Variants in MSH4 observed in about 807,000 individuals in gnomAD.
MSH4 encodes the protein mutS homolog 4.
MSH4 carries 106 observed loss-of-function variants against 113.7 expected under a neutral mutation model. The observed-to-expected ratio is 0.93, with a 90% CI of 0.80 to 1.10. The LOEUF (loss-of-function observed/expected upper bound fraction) is 1.10, where lower values mean the gene tolerates loss of function less well. Ranked by LOEUF, MSH4 falls within the 50% of genes least tolerant of loss-of-function variation. The pLI is 0.00. For missense variants in MSH4, 1,061 were observed against 1,093.7 expected (o/e 0.97, Z 0.42); for synonymous variants, 368 against 380.2 (o/e 0.97, Z 0.37).
At chr1:75,804,520 T>A (rs12057365) in intron 2 of MSH4, among the ~76,000 whole-genome samples, 4 of 128,914 alleles carry the variant, frequency 3.1e-5, no homozygotes, top group Non-Finnish European at 5.2e-5. Context: ...TTTTTTTTTT[T>A]AATTTTTTGA....
intron 10 of MSH4, among the ~76,000 whole-genome samples, chr1:75,877,613 A>G (rs188020312): frequency 1.3e-5 from 2 of 152,326 alleles, no homozygotes; most frequent in East Asian, 1.9e-4. Flanking sequence ...AGTTGAGGAA[A>G]ATATGTGTTA....
intron 7 of MSH4, among the ~76,000 whole-genome samples, chr1:75,827,903 T>C (rs1170711031): frequency 6.6e-6 from 1 of 152,180 alleles, no homozygotes; most frequent in African/African-American, 2.4e-5. Context: ...CACACAATAA[T>C]AGTGGGAGAC....
chr1:75,812,599 C>A (rs1032245120), intron 4 of MSH4, among the ~76,000 whole-genome samples: 1 of 152,122 alleles, frequency 6.6e-6, no homozygotes, highest in Admixed American at 6.5e-5. Context: ...GAAGCTGAGG[C>A]AGGAGAATCG....
chr1:75,883,880 C>A, intron 15 of MSH4, 59 bp downstream of exon 15: 1 of 1,470,784 alleles, frequency 6.8e-7, no homozygotes, highest in Non-Finnish European at 9.3e-7. Flanking sequence ...ATGCTTTGTG[C>A]CTAATTTTTT....
intron 13 of MSH4, among the ~76,000 whole-genome samples, chr1:75,880,364 A>T (rs5745460): frequency 0.054 from 8,182 of 152,126 alleles, 376 homozygotes; most frequent in African/African-American, 0.12. Context: ...TATAATTGAT[A>T]TTTCTGTAAT....
intron 9 of MSH4, among the ~76,000 whole-genome samples, chr1:75,869,479 A>C (rs1357818942): frequency 6.6e-6 from 1 of 152,210 alleles, no homozygotes. Flanking sequence ...GTCATGTCAG[A>C]GACCTTTATG....
chr1:75,816,336 A>C, intron 5 of MSH4, 37 bp from the exon 6 acceptor site: 2 of 1,356,132 alleles, frequency 1.5e-6, no homozygotes, highest in South Asian at 3.8e-5. Context: ...TTTTTATATT[A>C]AAGACTTATA....
At chr1:75,876,443 T>C (rs1651819447) in intron 9 of MSH4, among the ~76,000 whole-genome samples, 1 of 152,154 alleles carries the variant, frequency 6.6e-6, no homozygotes, top group South Asian at 2.1e-4. Context: ...ATATGCTTTC[T>C]CTTCTTCTTT....
At chr1:75,878,761 T>G (rs911828018) in intron 11 of MSH4, among the ~76,000 whole-genome samples, 14 of 151,386 alleles carry the variant, frequency 9.2e-5, no homozygotes, top group African/African-American at 3.4e-4. Flanking sequence ...GCCCAGGAGG[T>G]CGAGACTGCA....
chr1:75,872,710 T>C (rs965856592), intron 9 of MSH4, among the ~76,000 whole-genome samples: 1 of 152,200 alleles, frequency 6.6e-6, no homozygotes, highest in Non-Finnish European at 1.5e-5. Flanking sequence ...CACAATGAAA[T>C]GAAAATTGAA....
At chr1:75,856,701 A>G (rs990118418) in intron 8 of MSH4, among the ~76,000 whole-genome samples, 2 of 152,120 alleles carry the variant, frequency 1.3e-5, no homozygotes, top group African/African-American at 2.4e-5. Flanking sequence ...TGGACATGTG[A>G]GTTGGTTCCA....
rs533280224 is a variant in MSH4 at position 75,889,226 on chromosome 1, T to C, written c.2108-25T>C. On this transcript the variant is annotated intron_variant, in intron 15 of 19. Transcript: ENST00000263187. ...ATTATATTTTATAAACACATTTCAG[T>C]TTATCTTGACCTTATATTTTACAGG... 4 of 1,055,196 alleles carry C rather than the reference T, an allele frequency of 3.8e-6. No homozygotes were observed. The South Asian group carries it at 5.6e-5, about 15-fold the overall frequency. 65.4% of individuals were successfully genotyped at this position (1,055,196 alleles called of 1,614,324 possible). A position where few individuals can be genotyped will look rare whatever the true frequency, so the allele number is the denominator to read the frequency against.
chr1:75,890,645 A>T, intron 16 of MSH4, 51 bp from the exon 17 acceptor site: 3 of 973,022 alleles, frequency 3.1e-6, no homozygotes, highest in African/African-American at 1.7e-5. Context: ...TTCCTGTGAT[A>T]TTGACAGCTG....
intron 7 of MSH4, among the ~76,000 whole-genome samples, chr1:75,823,319 C>T (rs1251272): frequency 0.79 from 120,650 of 152,106 alleles, 48,384 homozygotes; most frequent in South Asian, 0.9. Flanking sequence ...AACAGATACC[C>T]GGAGTTAAGA....
At chr1:75,851,536 C>T (rs1310974734) in intron 8 of MSH4, among the ~76,000 whole-genome samples, 1 of 152,054 alleles carries the variant, frequency 6.6e-6, no homozygotes, top group African/African-American at 2.4e-5. Flanking sequence ...CTCAGCCTCC[C>T]TAGTAGCTGG....
chr1:75,879,259 C>A, intron 12 of MSH4, 131 bp downstream of exon 12: 1 of 740,872 alleles, frequency 1.3e-6, no homozygotes, highest in Non-Finnish European at 2.2e-6. Flanking sequence ...TCCTACCCAC[C>A]CACCTAACTA....
rs539303484 is a variant in MSH4 at position 75,876,979 on chromosome 1, A to C, written c.1349A>C (p.Tyr450Ser). Residue 450 changes from tyrosine to serine, a missense_variant, in exon 10 of 20, where the codon TAT (tyrosine) becomes TCT (serine). Tyr to Ser is a moderately radical substitution (Grantham distance 144). Transcript: ENST00000263187. Reference protein sequence around the residue: ...NCNTPLLRAYYGSLEDKRFGI... With the variant: ...NCNTPLLRAYSGSLEDKRFGI... ...AACACACCTTTATTAAGAGCTTACTATGGTTCCTTGGAAGACAAGAGGTCT... is the reference window on the plus strand; with the variant it reads ...AACACACCTTTATTAAGAGCTTACTCTGGTTCCTTGGAAGACAAGAGGTCT... 7.0e-6 allele frequency: 11 copies of C among 1,566,588 alleles called. No individual in the cohort carries two copies. Among genetic ancestry groups the C allele is most frequent in the East Asian group, 2.3e-5 (1 of 42,738 alleles).
intron 8 of MSH4, among the ~76,000 whole-genome samples, chr1:75,861,214 C>G (rs1651448335): frequency 6.6e-6 from 1 of 152,104 alleles, no homozygotes; most frequent in African/African-American, 2.4e-5. Context: ...GAACCTGCTC[C>G]TTTAGCTTGG....
intron 4 of MSH4, among the ~76,000 whole-genome samples, chr1:75,813,470 C>T (rs1276736838): frequency 6.6e-6 from 1 of 152,112 alleles, no homozygotes; most frequent in Non-Finnish European, 1.5e-5. Context: ...AGACACTTAA[C>T]TTCTTGGAGC....
Sources: allele counts gnomAD v4.1 joint callset (sites outside exome capture counted in the v4.1 genomes callset), GRCh38; gene constraint gnomAD v4.1.1; transcripts MANE v1.5; gene names NCBI Gene and HGNC (gene_info 2026-07-23, HGNC 2026-07-21).